The following MINDY3 variants were observed in gnomAD, a reference collection of about 807,000 sequenced individuals.
MINDY3 encodes MINDY lysine 48 deubiquitinase 3.
Under a neutral mutation model 69.2 loss-of-function variants are expected in MINDY3, and 38 were observed. The ratio of observed to expected loss-of-function variants is 0.55; its 90% confidence interval spans 0.42 to 0.72. The LOEUF (loss-of-function observed/expected upper bound fraction) is 0.72. Ranked by LOEUF, MINDY3 falls within the 30% of genes least tolerant of loss-of-function variation. MINDY3 has a pLI of 0.00. For missense variants in MINDY3, 522 were observed against 519.0 expected (o/e 1.01, Z -0.06); for synonymous variants, 192 against 180.1 (o/e 1.07, Z -0.53).
rs1345581957 is a variant in MINDY3 at position 15,843,262 on chromosome 10, A to C, written c.185T>G (p.Leu62Trp). 4.3e-6 allele frequency: 7 copies of C among 1,611,954 alleles called. No individual in the cohort carries two copies. The highest frequency in any genetic ancestry group is 5.1e-6 in the Non-Finnish European group (6 of 1,178,156). ...CTCCGAAGAAAACAGGAGCTTCTTC[A>C]AAAGAAATGCCTTTACACAATTAAA... ...AVIAPVQAFL[L>W]KKLLFSSEKS... Residue 62 changes from leucine to tryptophan, a missense_variant, in exon 3 of 15, where the codon TTG becomes TGG. By Grantham distance (61) the Leu-to-Trp change is moderately conservative. Coordinates refer to ENST00000277632, the MANE Select transcript of MINDY3 (RefSeq NM_024948.4).
intron 10 of MINDY3, among the ~76,000 whole-genome samples, chr10:15,808,183 T>C (rs918971082): frequency 1.3e-5 from 2 of 152,186 alleles, no homozygotes; most frequent in Admixed American, 1.3e-4. Context: ...TATTTTAAGG[T>C]CTTAAAAGTC....
intron 10 of MINDY3, among the ~76,000 whole-genome samples, chr10:15,806,747 C>T (rs934440073): frequency 6.6e-6 from 1 of 152,198 alleles, no homozygotes; most frequent in Non-Finnish European, 1.5e-5. Context: ...CCTAGCACAA[C>T]TAGTATGGTT....
At chr10:15,800,382 T>C (rs999415408) in intron 10 of MINDY3, among the ~76,000 whole-genome samples, 2 of 152,138 alleles carry the variant, frequency 1.3e-5, no homozygotes, top group Non-Finnish European at 1.5e-5. Flanking sequence ...AAATTAACTT[T>C]AGTGCATACT....
chr10:15,855,951 T>C (rs970383373), intron 1 of MINDY3, among the ~76,000 whole-genome samples: 5 of 152,148 alleles, frequency 3.3e-5, no homozygotes, highest in African/African-American at 1.2e-4. Context: ...ATATTCAAAG[T>C]ACCAAGGAAT....
At chr10:15,782,550 G>C (rs1297651921) in intron 13 of MINDY3, among the ~76,000 whole-genome samples, 1 of 152,022 alleles carries the variant, frequency 6.6e-6, no homozygotes, top group African/African-American at 2.4e-5. Context: ...ATTTGCTAAA[G>C]TATATCTCCT....
At chr10:15,850,538 A>C (rs541203204) in intron 1 of MINDY3, among the ~76,000 whole-genome samples, 1 of 152,180 alleles carries the variant, frequency 6.6e-6, no homozygotes, top group Non-Finnish European at 1.5e-5. Flanking sequence ...ATACAGTTGT[A>C]GATAAGGGAC....
intron 10 of MINDY3, among the ~76,000 whole-genome samples, chr10:15,804,849 A>G (rs527737977): frequency 7.4e-4 from 113 of 152,260 alleles, no homozygotes; most frequent in Middle Eastern, 3.4e-3. Context: ...GAAAGCAGGA[A>G]GGATGGTGGT....
chr10:15,821,540 G>C, intron 9 of MINDY3, 116 bp downstream of exon 9: 1 of 689,922 alleles, frequency 1.4e-6, no homozygotes, highest in South Asian at 2.2e-5. Flanking sequence ...AGGAAGAAGA[G>C]AGCGGTACTG....
chr10:15,833,749 G>T, intron 7 of MINDY3, 40 bp from the exon 8 acceptor site: 1 of 1,273,798 alleles, frequency 7.9e-7, no homozygotes, highest in South Asian at 1.2e-5. Context: ...TATGAATATA[G>T]TTGCCAAATC....
chr10:15,831,618 T>A (rs571884018), intron 8 of MINDY3, among the ~76,000 whole-genome samples: 1 of 152,058 alleles, frequency 6.6e-6, no homozygotes, highest in South Asian at 2.1e-4. Flanking sequence ...GACTAATATA[T>A]TCTGTACAGG....
intron 14 of MINDY3, among the ~76,000 whole-genome samples, chr10:15,781,442 C>T (rs1305330754): frequency 1.3e-5 from 2 of 150,034 alleles, no homozygotes; most frequent in South Asian, 2.1e-4. Flanking sequence ...TGTACTGTAA[C>T]TCATACTTGA....
chr10:15,834,507 GT>G, intron 7 of MINDY3, 35 bp downstream of exon 7: 1 of 1,452,740 alleles, frequency 6.9e-7, no homozygotes, highest in South Asian at 1.2e-5. Flanking sequence ...AAAAACTGGA[GT>G]TCACATGAGG....
At chr10:15,859,494 G>T (rs80202701) in intron 1 of MINDY3, among the ~76,000 whole-genome samples, 16 of 152,094 alleles carry the variant, frequency 1.1e-4, no homozygotes, top group Non-Finnish European at 2.4e-4. Flanking sequence ...TACAGTGCAA[G>T]AATTCAATAA....
chr10:15,843,515 T>G (rs1833624798), intron 2 of MINDY3, among the ~76,000 whole-genome samples: 1 of 152,058 alleles, frequency 6.6e-6, no homozygotes, highest in Non-Finnish European at 1.5e-5. Flanking sequence ...ATACATATTT[T>G]CTGACAAGTA....
In MINDY3 at chr10:15,796,085, G is replaced by A. The variant is rs1476288165; in HGVS notation, c.955+15C>T. 1.9e-6 allele frequency: 3 copies of A among 1,601,506 alleles called. No homozygotes were observed. The highest frequency in any genetic ancestry group is 2.6e-6 in the Non-Finnish European group (3 of 1,169,082). On this transcript the variant is annotated intron_variant, in intron 11 of 14. Transcript: ENST00000277632. ...TGAAGACATAAAACACAGAGATGAT[G>A]TTAAAATCTTTTACCTTCTGGGTCG...
At chr10:15,809,771 A>G (rs1034635496) in intron 10 of MINDY3, among the ~76,000 whole-genome samples, 2 of 152,092 alleles carry the variant, frequency 1.3e-5, no homozygotes, top group South Asian at 4.1e-4. Context: ...AGGGTGGCTT[A>G]GATGCATTTC....
intron 1 of MINDY3, among the ~76,000 whole-genome samples, chr10:15,852,697 C>T (rs1450283086): frequency 1.3e-5 from 2 of 151,874 alleles, no homozygotes; most frequent in African/African-American, 4.8e-5. Flanking sequence ...ATTTACAGCA[C>T]TAGGGAGAGT....
chr10:15,855,951 T>G (rs970383373), intron 1 of MINDY3, among the ~76,000 whole-genome samples: 4 of 152,148 alleles, frequency 2.6e-5, no homozygotes, highest in African/African-American at 9.6e-5. Flanking sequence ...ATATTCAAAG[T>G]ACCAAGGAAT....
chr10:15,840,173 T>C (rs1833366771), intron 4 of MINDY3, among the ~76,000 whole-genome samples: 1 of 151,686 alleles, frequency 6.6e-6, no homozygotes, highest in Non-Finnish European at 1.5e-5. Context: ...ATATCCTAAA[T>C]GAACCTATTA....
Sources: allele counts gnomAD v4.1 joint callset (sites outside exome capture counted in the v4.1 genomes callset), GRCh38; gene constraint gnomAD v4.1.1; transcripts MANE v1.5; gene names NCBI Gene and HGNC (gene_info 2026-07-23, HGNC 2026-07-21).